ZNF143: variants seen among roughly 807,000 people sequenced by gnomAD.
The protein encoded by ZNF143 is SPH-binding factor.
Under a neutral mutation model 74.1 loss-of-function variants are expected in ZNF143, and 49 were observed. The observed-to-expected ratio is 0.66, with a 90% CI of 0.53 to 0.84. The LOEUF is 0.84. Ranked by LOEUF, ZNF143 falls within the 40% of genes least tolerant of loss-of-function variation. The pLI is 0.00. For synonymous variants in ZNF143, 304 were observed against 282.8 expected, an observed-to-expected ratio of 1.07 and a Z score of -0.75; for missense variants, 637 against 793.4, an observed-to-expected ratio of 0.80 and a Z score of 2.37.
At chr11:9,477,684 A>T (rs1231920783) in intron 5 of ZNF143, among the ~76,000 whole-genome samples, 1 of 152,160 alleles carries the variant, frequency 6.6e-6, no homozygotes, top group African/African-American at 2.4e-5. Context: ...ATAGATATAG[A>T]TATATCTTAG....
Position 9,527,514 on chromosome 11 carries a change from T to A in ZNF143, c.1834-16T>A, listed in dbSNP as rs1849171893. The A allele has an allele frequency of 6.2e-7, 1 of 1,613,052 alleles. No homozygotes were observed. The highest frequency in any genetic ancestry group is 1.1e-5 in the South Asian group (1 of 91,056). On this transcript the variant is annotated splice_polypyrimidine_tract_variant and intron_variant, in intron 15 of 15. Coordinates refer to ENST00000396602, the MANE Select transcript of ZNF143 (RefSeq NM_003442.6). ...TTTTGAATTGTTAGCGTTTGATGTGTGTGTTCCTGTTTCAGCTTGGAGAAC... is the reference window on the plus strand; with the variant it reads ...TTTTGAATTGTTAGCGTTTGATGTGAGTGTTCCTGTTTCAGCTTGGAGAAC...
At chr11:9,515,562 G>C (rs373400911) in intron 13 of ZNF143, among the ~76,000 whole-genome samples, 12 of 151,512 alleles carry the variant, frequency 7.9e-5, no homozygotes, top group African/African-American at 2.9e-4. Context: ...GCTGAGGCAG[G>C]ACAGTGGCAT....
intron 1 of ZNF143, among the ~76,000 whole-genome samples, chr11:9,467,482 C>T (rs749517082): frequency 2.6e-5 from 4 of 151,992 alleles, no homozygotes; most frequent in East Asian, 1.9e-4. Context: ...GTGATCCACC[C>T]GCCTCAGCCT....
chr11:9,473,489 C>G (rs1856705983), intron 3 of ZNF143, among the ~76,000 whole-genome samples: 1 of 152,086 alleles, frequency 6.6e-6, no homozygotes, highest in Non-Finnish European at 1.5e-5. Flanking sequence ...CTCAAAAACT[C>G]TTTGTTTCTA....
chr11:9,500,779 T>G (rs1848130339), intron 10 of ZNF143, among the ~76,000 whole-genome samples: 1 of 152,212 alleles, frequency 6.6e-6, no homozygotes, highest in South Asian at 2.1e-4. Context: ...CTGACTGTAC[T>G]TTTCTTTTAT....
intron 5 of ZNF143, among the ~76,000 whole-genome samples, chr11:9,474,881 GT>G (rs544144813): frequency 1.3e-5 from 2 of 152,132 alleles, no homozygotes; most frequent in East Asian, 1.9e-4. Flanking sequence ...GCCACATTTT[GT>G]TTTTTTGGTT....
At position 9,496,373 on chromosome 11, in the gene ZNF143, C is replaced by T. The variant is rs760707624; in HGVS notation, c.836C>T (p.Ala279Val). ...CEHAGCGKAF[A>V]TGYGLKSHVR... ...CATGCAGGCTGTGGGAAGGCATTTGCAACAGGTAAAAGTATGAATTTTGTT... is the reference window on the plus strand; with the variant it reads ...CATGCAGGCTGTGGGAAGGCATTTGTAACAGGTAAAAGTATGAATTTTGTT... The change falls in exon 9 of 16, where the codon GCA becomes GTA. Residue 279 changes from alanine (A) to valine (V), a missense_variant. Ala to Val is a moderately conservative substitution (Grantham distance 64, BLOSUM62 0). Transcript: ENST00000396602. The T allele has an allele frequency of 3.1e-6, 5 of 1,613,886 alleles. No homozygotes were observed. The highest frequency in any genetic ancestry group is 4.2e-6 in the Non-Finnish European group (5 of 1,179,988).
intron 14 of ZNF143, among the ~76,000 whole-genome samples, chr11:9,520,942 ATGTATTTT>A (rs1440880045): frequency 5.3e-5 from 8 of 152,122 alleles, no homozygotes; most frequent in Non-Finnish European, 1.0e-4. Flanking sequence ...CTTGGTTATG[ATGTATTTT>A]TGTATTTTGC....
At chr11:9,486,357 T>TATATAATATATATA (rs1847481229) in intron 7 of ZNF143, among the ~76,000 whole-genome samples, 12 of 52,050 alleles carry the variant, frequency 2.3e-4, no homozygotes, top group Non-Finnish European at 4.0e-4. Flanking sequence ...ATATATTATA[T>TATATAATATATATA]ATATATTATA....
In ZNF143 at chr11:9,508,550, G is replaced by C. The variant is rs181011751; in HGVS notation, c.1148-69G>C. ...ATTTTTAGAGGTATTTTACCCCCTG[G>C]GGGGGAAGTATGGAATGATTTTGCC... On this transcript the variant is annotated intron_variant, in intron 11 of 15. Transcript: ENST00000396602. 76 of 1,432,470 alleles carry C rather than the reference G, an allele frequency of 5.3e-5. 2 individuals are homozygous for C. In the South Asian group the frequency reaches 6.1e-4, roughly 12 times the overall value. The allele number at this position is 1,432,470 out of a possible 1,614,324, so 88.7% of individuals were successfully genotyped here.
chr11:9,474,450 T>G, intron 4 of ZNF143, 100 bp from the exon 5 acceptor site: 2 of 1,164,048 alleles, frequency 1.7e-6, no homozygotes, highest in Non-Finnish European at 2.5e-6. Context: ...CAAGTATAGA[T>G]TGTTATAATG....
chr11:9,527,574 T>C lies in ZNF143; in HGVS notation c.1878T>C (p.Ser626=), dbSNP rs1849174192. ...PSLEEAIRIA[S]RIQQGETPGL... is the part of the protein sequence containing the mutation. ...TGGAAGAAGCCATCAGAATAGCGTC[T>C]AGAATCCAACAAGGAGAAACGCCAG... is the stretch of plus-strand genomic sequence containing the variant. Residue 626 remains serine, a synonymous_variant, in exon 16 of 16, where the codon TCT becomes TCC. Transcript: ENST00000396602. The C allele has an allele frequency of 1.2e-6, 2 of 1,614,026 alleles. No individual in the cohort carries two copies. Among genetic ancestry groups the C allele is most frequent in the Non-Finnish European group, 1.7e-6 (2 of 1,180,022 alleles).
intron 1 of ZNF143, among the ~76,000 whole-genome samples, chr11:9,470,473 C>G (rs922856547): frequency 7.2e-5 from 11 of 152,072 alleles, no homozygotes; most frequent in Middle Eastern, 3.4e-3. Flanking sequence ...GGGAAGCTCT[C>G]ATTCCATTTG....
chr11:9,463,745 G>A (rs1306321985), intron 1 of ZNF143: 1 of 151,890 alleles, frequency 6.6e-6, no homozygotes, highest in African/African-American at 2.4e-5. Flanking sequence ...TTGCTGTGAA[G>A]TAAGGACTGG....
chr11:9,463,355 A>T (rs547835686), intron 1 of ZNF143, among the ~76,000 whole-genome samples: 1 of 152,336 alleles, frequency 6.6e-6, no homozygotes, highest in South Asian at 2.1e-4. Context: ...AGGTACTCTA[A>T]AACTTTTTCA....
chr11:9,513,075 C>A (rs1234329062), intron 13 of ZNF143, among the ~76,000 whole-genome samples: 2 of 152,142 alleles, frequency 1.3e-5, no homozygotes, highest in Non-Finnish European at 2.9e-5. Flanking sequence ...AGGAAAAGCA[C>A]AGTGTAATGG....
At chr11:9,480,517 G>A (rs908442768) in intron 7 of ZNF143, among the ~76,000 whole-genome samples, 1 of 152,056 alleles carries the variant, frequency 6.6e-6, no homozygotes, top group Non-Finnish European at 1.5e-5. Flanking sequence ...ATACTGTTAG[G>A]GGTTATCAAG....
intron 7 of ZNF143, among the ~76,000 whole-genome samples, chr11:9,486,405 TATATATA>T (rs1355548749): frequency 6.1e-4 from 14 of 23,030 alleles, no homozygotes; most frequent in Admixed American, 9.3e-4. Context: ...TAATATATTA[TATATATA>T]ATATATATTA....
At chr11:9,491,818 A>G (rs1257863481) in intron 7 of ZNF143, among the ~76,000 whole-genome samples, 2 of 152,162 alleles carry the variant, frequency 1.3e-5, no homozygotes, top group African/African-American at 2.4e-5. Flanking sequence ...TTTTGTAGAA[A>G]TGGGGTTTCA....
Sources: gnomAD v4.1 joint callset for allele counts (sites outside exome capture counted in the v4.1 genomes callset) on GRCh38, gnomAD v4.1.1 for gene constraint, MANE v1.5 for transcripts, NCBI Gene and HGNC (gene_info 2026-07-23, HGNC 2026-07-21) for gene names.